Variants in SCARF1 observed in about 807,000 individuals in gnomAD.
SCARF1 encodes the protein acetyl LDL receptor.
Under a neutral mutation model 76.3 loss-of-function variants are expected in SCARF1, and 49 were observed. The observed-to-expected ratio is 0.64, with a 90% CI of 0.51 to 0.81. The LOEUF is 0.81. Among genes scored for constraint, SCARF1 ranks in the 40% least tolerant of loss-of-function variants. The probability of loss-of-function intolerance (pLI) is 0.00; values close to 1 mark genes in which losing one functional copy is unlikely to be tolerated. For synonymous variants in SCARF1, 495 were observed against 474.6 expected, an observed-to-expected ratio of 1.04 and a Z score of -0.56; for missense variants, 1,098 against 1,143.9, an observed-to-expected ratio of 0.96 and a Z score of 0.58.
Position 1,644,524 on chromosome 17 carries a change from G to A in SCARF1, c.265+310C>T, listed in dbSNP as rs907825181. ...CTTCCATCCACTGCCCATGTATAAG[G>A]TATATGTGGGAAAGGCAAGTAATAC... On this transcript the variant is annotated intron_variant, in intron 3 of 10. Transcript: ENST00000263071. This position sits in a 1 kb window ranked among gnomAD's most constrained non-coding sequence, Gnocchi z 4.8. 1.9e-6 allele frequency: 1 copy of A among 528,648 alleles called. No homozygotes were observed. Among genetic ancestry groups the A allele is most frequent in the Non-Finnish European group, 3.4e-6 (1 of 293,386 alleles). 32.7% of individuals were successfully genotyped at this position (528,648 alleles called of 1,614,324 possible). A position where few individuals can be genotyped will look rare whatever the true frequency, so the allele number is the denominator to read the frequency against.
In SCARF1 at chr17:1,635,179, A is replaced by G; in HGVS notation, c.2072T>C (p.Ile691Thr). Residue 691 changes from isoleucine (I) to threonine (T), a missense_variant, in exon 11 of 11, where the codon ATC (isoleucine) becomes ACC (threonine). By Grantham distance (89) the Ile-to-Thr change is moderately conservative. Transcript: ENST00000263071. ...VQESSGPVTT[I>T]YMLAGKPRGS... ...GCGGGGCTTCCCTGCCAGCATGTAGATCGTGGTCACAGGGCCCGAGCTCTC... is the reference window on the plus strand; with the variant it reads ...GCGGGGCTTCCCTGCCAGCATGTAGGTCGTGGTCACAGGGCCCGAGCTCTC... The G allele has an allele frequency of 6.2e-7, 1 of 1,613,460 alleles. No homozygotes were observed. Among genetic ancestry groups the G allele is most frequent in the Non-Finnish European group, 8.5e-7 (1 of 1,180,014 alleles).
At chr17:1,643,232 GC>G (rs1246103376) in intron 4 of SCARF1, 3 of 45,784 alleles carry the variant, frequency 6.6e-5, no homozygotes, top group Non-Finnish European at 1.1e-4. Flanking sequence ...TTTCCACCCC[GC>G]CCCCTCCCCG....
Position 1,639,713 on chromosome 17 carries a change from T to C in SCARF1, c.1169A>G (p.His390Arg). 6.3e-7 allele frequency: 1 copy of C among 1,596,528 alleles called. No individual in the cohort carries two copies. Among genetic ancestry groups the C allele is most frequent in the Non-Finnish European group, 8.5e-7 (1 of 1,172,108 alleles). Reference protein sequence around the residue: ...SCNASCPAGFHGNNCSVPCEC... With the variant: ...SCNASCPAGFRGNNCSVPCEC... ...ACAAGGAACTGAGCAGTTGTTTCCA[T>C]GGAAACCGGCTGGGCAGGAGGCGTT... Residue 390 changes from histidine to arginine, a missense_variant, in exon 7 of 11, where the codon CAT (histidine) becomes CGT (arginine). Physicochemically the swap from His to Arg is conservative, Grantham distance 29. Transcript: ENST00000263071.
chr17:1,636,191 A>G (rs1350998102), intron 10 of SCARF1, among the ~76,000 whole-genome samples: 2 of 152,080 alleles, frequency 1.3e-5, no homozygotes, highest in African/African-American at 2.4e-5. Context: ...CCCTACTTGT[A>G]TGTCCCCCAT....
In SCARF1 at chr17:1,638,846, C is replaced by T; in HGVS notation, c.1324G>A (p.Ala442Thr). 1 of 1,610,784 alleles carries T rather than the reference C, an allele frequency of 6.2e-7. No individual in the cohort carries two copies. Among genetic ancestry groups the T allele is most frequent in the Non-Finnish European group, 8.5e-7 (1 of 1,178,276 alleles). ...LLLFLGLACC[A>T]CCCWAPRSDL... Reference sequence around the variant, plus strand: ...GATCGGGGGGCCCAGCAGCAGCAGGCACAGCAGGCAAGGCCCAGGAAGAGC... The same window carrying T: ...GATCGGGGGGCCCAGCAGCAGCAGGTACAGCAGGCAAGGCCCAGGAAGAGC... The change falls in exon 8 of 11, where the codon GCC (alanine) becomes ACC (threonine). Residue 442 changes from alanine (A) to threonine (T), a missense_variant. Physicochemically the swap from Ala to Thr is moderately conservative, Grantham distance 58. Coordinates refer to ENST00000263071, the MANE Select transcript of SCARF1 (RefSeq NM_003693.4).
chr17:1,644,051 G>A lies in SCARF1; in HGVS notation c.266-84C>T. ...CTGCGTCCCCTTCCTCAAGGAAAAG[G>A]GGCGCTGGGCCCATCCTCCAAGAGC... On this transcript the variant is annotated intron_variant, in intron 3 of 10. Coordinates refer to ENST00000263071, the MANE Select transcript of SCARF1 (RefSeq NM_003693.4). This position sits in a 1 kb window ranked among gnomAD's most constrained non-coding sequence, Gnocchi z 4.8. 1 of 1,108,180 alleles carries A rather than the reference G, an allele frequency of 9.0e-7. No individual in the cohort carries two copies. The highest frequency in any genetic ancestry group is 3.2e-5 in the East Asian group (1 of 30,932). The allele number at this position is 1,108,180 out of a possible 1,614,324, so 68.6% of individuals were successfully genotyped here. A position where few individuals can be genotyped will look rare whatever the true frequency, so the allele number is the denominator to read the frequency against.
chr17:1,637,066 A>C lies in SCARF1; in HGVS notation c.1365-4T>G. The C allele has an allele frequency of 6.2e-7, 1 of 1,613,692 alleles. No individual in the cohort carries two copies. The highest frequency in any genetic ancestry group is 8.5e-7 in the Non-Finnish European group (1 of 1,179,964). ...GGTAGCTCCATCTCTCGCTGGCCTG[A>C]GGGAGGAGGGTAGGGACACTGGTCA... On this transcript the variant is annotated splice_region_variant and splice_polypyrimidine_tract_variant and intron_variant, in intron 8 of 10. Transcript: ENST00000263071.
At chr17:1,639,364 G>A (rs1429547326) in intron 7 of SCARF1, among the ~76,000 whole-genome samples, 1 of 152,200 alleles carries the variant, frequency 6.6e-6, no homozygotes, top group East Asian at 1.9e-4. Flanking sequence ...AATTAGCCAG[G>A]CATGGAGGCG....
chr17:1,643,136 C>A (rs141925331), intron 4 of SCARF1, among the ~76,000 whole-genome samples: 2,569 of 146,984 alleles, frequency 0.017, 94 homozygotes, highest in African/African-American at 0.061. Context: ...GGTCTCCGCG[C>A]AGCCTCGCTC....
intron 6 of SCARF1, 61 bp downstream of exon 6, chr17:1,639,851 C>G: frequency 6.2e-7 from 1 of 1,609,346 alleles, no homozygotes. Flanking sequence ...TCAGGAAATG[C>G]TGCACAGAGC....
chr17:1,642,899 A>G (rs1234509733), intron 4 of SCARF1, among the ~76,000 whole-genome samples: 2 of 152,124 alleles, frequency 1.3e-5, no homozygotes, highest in African/African-American at 2.4e-5. Flanking sequence ...ACGAGGTTTC[A>G]GCATGTTGGC....
In SCARF1 at chr17:1,640,640, G is replaced by C. The variant is rs139336621; in HGVS notation, c.818C>G (p.Pro273Arg). 1.2e-6 allele frequency: 2 copies of C among 1,612,558 alleles called. No individual in the cohort carries two copies. Among genetic ancestry groups the C allele is most frequent in the Admixed American group, 1.7e-5 (1 of 59,938 alleles). The change falls in exon 5 of 11, where the codon CCG (proline) becomes CGG (arginine). Residue 273 changes from proline to arginine, a missense_variant. Pro to Arg is a moderately radical substitution (Grantham distance 103). Transcript: ENST00000263071. The surrounding 1 kb of genome is among the most constrained non-coding windows in gnomAD (Gnocchi z 4.7). Reference protein sequence around the residue: ...HSCGRCKHNEPCSPDTGSCES... With the variant: ...HSCGRCKHNERCSPDTGSCES... Reference sequence around the variant, plus strand: ...ACAGCTGCCTGTGTCTGGAGAGCACGGCTCATTGTGTTTGCAGCGGCCACA... The same window carrying C: ...ACAGCTGCCTGTGTCTGGAGAGCACCGCTCATTGTGTTTGCAGCGGCCACA...
At chr17:1,642,129 AT>A (rs1385021444) in intron 4 of SCARF1, among the ~76,000 whole-genome samples, 4 of 150,908 alleles carry the variant, frequency 2.7e-5, no homozygotes, top group South Asian at 2.1e-4. Flanking sequence ...CTTATTTATT[AT>A]TTTTTTTGTA....
Position 1,640,408 on chromosome 17 carries a change from G to T in SCARF1, c.1010+40C>A, listed in dbSNP as rs1909948364. On this transcript the variant is annotated intron_variant, in intron 5 of 10. Transcript: ENST00000263071. This position sits in a 1 kb window ranked among gnomAD's most constrained non-coding sequence, Gnocchi z 4.7. Reference sequence around the variant, plus strand: ...AGAGCCGCTGAGCTGAGGGTCCTGGGGGAAGGTGTACCCCACCCTGAACAG... The same window carrying T: ...AGAGCCGCTGAGCTGAGGGTCCTGGTGGAAGGTGTACCCCACCCTGAACAG... 6.6e-7 allele frequency: 1 copy of T among 1,511,382 alleles called. No individual in the cohort carries two copies. The highest frequency in any genetic ancestry group is 9.0e-7 in the Non-Finnish European group (1 of 1,114,948). The allele number at this position is 1,511,382 out of a possible 1,614,324, so 93.6% of individuals were successfully genotyped here.
In SCARF1 at chr17:1,640,906, C is replaced by T. The variant is rs1909997429; in HGVS notation, c.792-240G>A. ...GCTCTGTGACCGTCTTTCCCTGGGT[C>T]CCAGGACCATCAGGAGCCAGCAGCC... On this transcript the variant is annotated intron_variant, in intron 4 of 10. Coordinates refer to ENST00000263071, the MANE Select transcript of SCARF1 (RefSeq NM_003693.4). The surrounding 1 kb of genome is among the most constrained non-coding windows in gnomAD (Gnocchi z 4.7). Among the ~76,000 whole-genome samples the T allele has an allele frequency of 6.6e-6, 1 of 152,156 alleles. No homozygotes were observed. The highest frequency in any genetic ancestry group is 1.5e-5 in the Non-Finnish European group (1 of 68,036).
intron 4 of SCARF1, among the ~76,000 whole-genome samples, chr17:1,643,051 C>A (rs940455584): frequency 6.6e-6 from 1 of 152,124 alleles, no homozygotes; most frequent in Non-Finnish European, 1.5e-5. Flanking sequence ...TTGAGAGGAG[C>A]ACCGCGAAGC....
chr17:1,643,565 C>A lies in SCARF1; in HGVS notation c.668G>T (p.Cys223Phe). The A allele has an allele frequency of 1.4e-6, 2 of 1,473,044 alleles. No homozygotes were observed. Among genetic ancestry groups the A allele is most frequent in the Non-Finnish European group, 1.8e-6 (2 of 1,119,848 alleles). The allele number at this position is 1,473,044 out of a possible 1,614,324, so 91.2% of individuals were successfully genotyped here. A position where few individuals can be genotyped will look rare whatever the true frequency, so the allele number is the denominator to read the frequency against. The change falls in exon 4 of 11, where the codon TGC becomes TTC. Residue 223 changes from cysteine (C) to phenylalanine (F), a missense_variant. Physicochemically the swap from Cys to Phe is radical, Grantham distance 205 (BLOSUM62 -2). Coordinates refer to ENST00000263071, the MANE Select transcript of SCARF1 (RefSeq NM_003693.4). ...GWWGPECQQQCECVRGRCSAA... is the reference protein window; with the variant it reads ...GWWGPECQQQFECVRGRCSAA... ...GCTGCAGCGGCCCCGCACACACTCGCACTGCTGCTGGCATTCGGGACCCCA... is the reference window on the plus strand; with the variant it reads ...GCTGCAGCGGCCCCGCACACACTCGAACTGCTGCTGGCATTCGGGACCCCA...
chr17:1,635,508 G>A lies in SCARF1; in HGVS notation c.1743C>T (p.Ser581=). The change falls in exon 11 of 11, where the codon AGC becomes AGT. Residue 581 remains serine, a synonymous_variant. Transcript: ENST00000263071. ...CCGATGGCCGCTTGGCCCGAGCTAGGCTGGAGGTGCGCGGGATGGCGAATG... is the reference window on the plus strand; with the variant it reads ...CCGATGGCCGCTTGGCCCGAGCTAGACTGGAGGTGCGCGGGATGGCGAATG... The part of the protein sequence containing the change: ...STPFAIPRTS[S]LARAKRPSVS... 1.2e-6 allele frequency: 2 copies of A among 1,613,904 alleles called. No individual in the cohort carries two copies. Among genetic ancestry groups the A allele is most frequent in the Admixed American group, 1.7e-5 (1 of 60,026 alleles).
intron 8 of SCARF1, among the ~76,000 whole-genome samples, chr17:1,637,372 A>ATC (rs1567662343): frequency 2.0e-4 from 29 of 141,650 alleles, no homozygotes; most frequent in African/African-American, 7.7e-4. Context: ...ATCTATCTAT[A>ATC]TCTATCCATC....
Sources: gnomAD v4.1 joint callset for allele counts (sites outside exome capture counted in the v4.1 genomes callset) on GRCh38, gnomAD v4.1.1 for gene constraint, Gnocchi (gnomAD v3.1) non-coding constraint, MANE v1.5 for transcripts, NCBI Gene and HGNC (gene_info 2026-07-23, HGNC 2026-07-21) for gene names.